The following LY86 variants were observed in gnomAD, a reference collection of about 807,000 sequenced individuals.
LY86 encodes the protein lymphocyte antigen 86.
Under a neutral mutation model 17.3 loss-of-function variants are expected in LY86, and 20 were observed. The ratio of observed to expected loss-of-function variants is 1.15; its 90% CI spans 0.81 to 1.68. The LOEUF is 1.68. Ranked by LOEUF, LY86 falls within the 40% of genes most tolerant of loss-of-function variation. The pLI is 0.00. For synonymous variants in LY86, 74 were observed against 70.6 expected (o/e 1.05, Z -0.24); for missense variants, 200 against 191.9 (o/e 1.04, Z -0.25).
At chr6:6,612,473 G>C (rs141907429) in intron 1 of LY86, among the ~76,000 whole-genome samples, 2 of 152,102 alleles carry the variant, frequency 1.3e-5, no homozygotes, top group South Asian at 2.1e-4. Context: ...TAAAAGCAAT[G>C]CAGACCCAAA....
Position 6,588,764 on chromosome 6 carries a change from C to T in LY86, c.30C>T (p.Leu10=), listed in dbSNP as rs74356155. The T allele has an allele frequency of 4.7e-4, 753 of 1,614,208 alleles. 7 individuals are homozygous for T. The African/African-American group carries it at 9.0e-3, about 19-fold the overall frequency. Residue 10 remains leucine, a synonymous_variant, in exon 1 of 5, where the codon CTC becomes CTT. Transcript: ENST00000230568. MKGFTATLF[L]WTLIFPSCSG... The stretch of plus-strand genomic sequence containing the variant: ...AGGGTTTCACAGCCACTCTCTTCCT[C>T]TGGACTCTGATTTTTCCCAGCTGCA...
chr6:6,640,412 A>T (rs1245947280), intron 3 of LY86, among the ~76,000 whole-genome samples: 1 of 151,880 alleles, frequency 6.6e-6, no homozygotes, highest in Non-Finnish European at 1.5e-5. Context: ...TAAAAATAAA[A>T]AAAAAAGGCA....
chr6:6,649,484 G>A, intron 3 of LY86, 141 bp from the exon 4 acceptor site: 2 of 593,168 alleles, frequency 3.4e-6, no homozygotes, highest in Non-Finnish European at 5.9e-6. Context: ...TGTAGATCAG[G>A]AAATGAAAAC....
chr6:6,636,573 T>C (rs1007642818), intron 3 of LY86, among the ~76,000 whole-genome samples: 2 of 152,214 alleles, frequency 1.3e-5, no homozygotes, highest in African/African-American at 2.4e-5. Context: ...TAAGACCTTT[T>C]CCTTACAGGT....
intron 3 of LY86, among the ~76,000 whole-genome samples, chr6:6,640,406 A>T (rs955802171): frequency 1.5e-4 from 23 of 151,084 alleles, no homozygotes; most frequent in Non-Finnish European, 2.7e-4. Context: ...AAAAAATAAA[A>T]ATAAAAAAAA....
intron 1 of LY86, among the ~76,000 whole-genome samples, chr6:6,603,603 C>CAACAAAA (rs1207511602): frequency 7.1e-5 from 5 of 70,458 alleles, no homozygotes; most frequent in Non-Finnish European, 1.3e-4. Context: ...AAAACAGAAA[C>CAACAAAA]AGAAAAAAAA....
chr6:6,604,916 C>T (rs1487081506), intron 1 of LY86, among the ~76,000 whole-genome samples: 1 of 151,492 alleles, frequency 6.6e-6, no homozygotes, highest in Non-Finnish European at 1.5e-5. Context: ...CAGCAATACT[C>T]TCATAGAAAA....
chr6:6,590,118 T>TAA (rs34637229), intron 1 of LY86, among the ~76,000 whole-genome samples: 2,253 of 80,520 alleles, frequency 0.028, 77 homozygotes, highest in Middle Eastern at 0.051. Flanking sequence ...AACTCTGTCT[T>TAA]AAAAAAAAAA....
chr6:6,638,367 A>G (rs1489604716), intron 3 of LY86, among the ~76,000 whole-genome samples: 1 of 152,234 alleles, frequency 6.6e-6, no homozygotes, highest in Non-Finnish European at 1.5e-5. Context: ...TAGTTACTAG[A>G]AAGTTTTATG....
intron 3 of LY86, among the ~76,000 whole-genome samples, chr6:6,647,968 TACACACACACACACAC>T (rs57233850): frequency 0.19 from 27,469 of 144,728 alleles, 2,848 homozygotes; most frequent in South Asian, 0.33. Context: ...AATCATCACA[TACACACACACACACAC>T]ACACACACAC....
intron 4 of LY86, among the ~76,000 whole-genome samples, chr6:6,652,677 G>A (rs1299987409): frequency 6.6e-6 from 1 of 152,136 alleles, no homozygotes; most frequent in Non-Finnish European, 1.5e-5. Context: ...CAAACTCTGT[G>A]CCCTCCTCAA....
intron 1 of LY86, among the ~76,000 whole-genome samples, chr6:6,610,544 G>C (rs1390807100): frequency 3.0e-5 from 3 of 99,032 alleles, no homozygotes; most frequent in South Asian, 6.7e-4. Flanking sequence ...CGGAAGCTTA[G>C]GGGGGGGCAA....
At chr6:6,652,227 A>C (rs1041362376) in intron 4 of LY86, among the ~76,000 whole-genome samples, 1 of 152,092 alleles carries the variant, frequency 6.6e-6, no homozygotes, top group Admixed American at 6.5e-5. Flanking sequence ...CAGCAGAGAG[A>C]GCTGGAGGCC....
chr6:6,609,426 G>A (rs1449516090), intron 1 of LY86, among the ~76,000 whole-genome samples: 4 of 152,182 alleles, frequency 2.6e-5, no homozygotes, highest in Non-Finnish European at 5.9e-5. Context: ...AAAGCTTCAC[G>A]GTATCTTTAG....
At chr6:6,590,653 T>C (rs1760495441) in intron 1 of LY86, among the ~76,000 whole-genome samples, 1 of 152,164 alleles carries the variant, frequency 6.6e-6, no homozygotes, top group South Asian at 2.1e-4. Context: ...GACTGGCTTG[T>C]GCAAACGCAT....
chr6:6,624,981 A>C lies in LY86; in HGVS notation c.192A>C (p.Ser64=), dbSNP rs1288342326. 6.5e-7 allele frequency: 1 copy of C among 1,547,400 alleles called. No homozygotes were observed. The highest frequency in any genetic ancestry group is 8.9e-7 in the Non-Finnish European group (1 of 1,127,252). The change falls in exon 2 of 5, where the codon TCA becomes TCC. Residue 64 remains serine, a synonymous_variant. Coordinates refer to ENST00000230568, the MANE Select transcript of LY86 (RefSeq NM_004271.4). ...SVEKCSKQLK[S]NINIRFGIIL... ...AAAAGTGTTCCAAGCAATTAAAATCAAATATCAACATTAGATTTGGAATTA... is the reference window on the plus strand; with the variant it reads ...AAAAGTGTTCCAAGCAATTAAAATCCAATATCAACATTAGATTTGGAATTA...
Position 6,650,041 on chromosome 6 carries a change from C to T in LY86, c.405+364C>T, listed in dbSNP as rs140790840. Among the ~76,000 whole-genome samples the T allele has an allele frequency of 7.9e-4, 120 of 152,146 alleles. No individual in the cohort carries two copies. In the Middle Eastern group the frequency reaches 0.014, roughly 17 times the overall value. On this transcript the variant is annotated intron_variant, in intron 4 of 4. Transcript: ENST00000230568. Reference sequence around the variant, plus strand: ...TGGCAGTGCTGCTGGGCTGTGTGGGCGGCACCATGCATGTGCTGGGACCGA... The same window carrying T: ...TGGCAGTGCTGCTGGGCTGTGTGGGTGGCACCATGCATGTGCTGGGACCGA...
intron 3 of LY86, among the ~76,000 whole-genome samples, chr6:6,646,155 C>T (rs558071202): frequency 1.1e-4 from 16 of 152,218 alleles, no homozygotes; most frequent in East Asian, 3.9e-4. Flanking sequence ...AAATGAACCC[C>T]GGGCAGGATG....
intron 1 of LY86, among the ~76,000 whole-genome samples, chr6:6,607,129 G>C (rs950762778): frequency 6.6e-6 from 1 of 152,280 alleles, no homozygotes; most frequent in Non-Finnish European, 1.5e-5. Flanking sequence ...CAGAGGAGGG[G>C]CTGGTGAGTG....
Sources: allele counts gnomAD v4.1 joint callset (sites outside exome capture counted in the v4.1 genomes callset), GRCh38; gene constraint gnomAD v4.1.1; transcripts MANE v1.5; gene names NCBI Gene and HGNC (gene_info 2026-07-23, HGNC 2026-07-21).